Variants in KIAA0586 observed in about 807,000 individuals in gnomAD.
The protein encoded by KIAA0586 is protein TALPID3.
KIAA0586 carries 144 observed loss-of-function variants against 169.8 expected under a neutral mutation model. The observed-to-expected ratio is 0.85, with a 90% CI of 0.74 to 0.97. KIAA0586 has a LOEUF of 0.97. KIAA0586 is among the 50% of genes least tolerant of loss of function. The pLI is 0.00. For synonymous variants in KIAA0586, 625 were observed against 612.4 expected, an observed-to-expected ratio of 1.02 and a Z score of -0.30; for missense variants, 1,854 against 1,823.0, an observed-to-expected ratio of 1.02 and a Z score of -0.31.
chr14:58,546,376 T>TA (rs931002913), intron 30 of KIAA0586, among the ~76,000 whole-genome samples: 3 of 152,216 alleles, frequency 2.0e-5, no homozygotes, highest in African/African-American at 7.2e-5. Flanking sequence ...GAGACATCAT[T>TA]AAAATCTCCA....
rs959799927 is a variant in KIAA0586, at chr14:58,480,360, A to C, written c.2945-2153A>C. Among the ~76,000 whole-genome samples the C allele has an allele frequency of 2.6e-5, 4 of 152,112 alleles. No individual in the cohort carries two copies. In the East Asian group the frequency reaches 5.8e-4, roughly 22 times the overall value. On this transcript the variant is annotated intron_variant, in intron 20 of 30. Coordinates refer to ENST00000652326, the MANE Select transcript of KIAA0586 (RefSeq NM_001329943.3). Reference sequence around the variant, plus strand: ...TCTTCCTCTTTTAAAAAAAAAAAAAAAAAACTTCTTTAAGACCTTCATTTT... The same window carrying C: ...TCTTCCTCTTTTAAAAAAAAAAAAACAAAACTTCTTTAAGACCTTCATTTT...
At chr14:58,518,965 C>T (rs2044977425) in intron 29 of KIAA0586, among the ~76,000 whole-genome samples, 1 of 152,198 alleles carries the variant, frequency 6.6e-6, no homozygotes, top group Admixed American at 6.5e-5. Flanking sequence ...AACCCCGTCT[C>T]TACTAAAAAT....
chr14:58,485,068 C>T (rs926285787), intron 21 of KIAA0586, among the ~76,000 whole-genome samples: 88 of 144,340 alleles, frequency 6.1e-4, no homozygotes, highest in African/African-American at 2.0e-3. Context: ...GGATTACAGG[C>T]GCCCGCCACC....
intron 28 of KIAA0586, among the ~76,000 whole-genome samples, chr14:58,509,767 A>G (rs1364982322): frequency 6.6e-6 from 1 of 152,234 alleles, no homozygotes; most frequent in Non-Finnish European, 1.5e-5. Context: ...TTTTGTGACC[A>G]TGATTAGGCA....
In KIAA0586 at chr14:58,498,826, C is replaced by T. The variant is rs754353218; in HGVS notation, c.4034C>T (p.Pro1345Leu). 21 of 1,610,522 alleles carry T rather than the reference C, an allele frequency of 1.3e-5. No homozygotes were observed. The highest frequency in any genetic ancestry group is 6.8e-6 in the Non-Finnish European group (8 of 1,178,532). Residue 1345 changes from proline (P) to leucine (L), a missense_variant, in exon 27 of 31, where the codon CCC becomes CTC. Pro to Leu is a moderately conservative substitution (Grantham distance 98). Transcript: ENST00000652326. The stretch of plus-strand genomic sequence containing the variant: ...GGTGAACTTAGTGAAGGACAAAGAC[C>T]CCAGCTAACAGCGGCAGCAGAGAAC... ...SVGELSEGQR[P>L]QLTAAAENIL...
In KIAA0586 at chr14:58,492,221, T is replaced by C; in HGVS notation, c.3936T>C (p.Phe1312=). The C allele has an allele frequency of 6.4e-7, 1 of 1,551,264 alleles. No individual in the cohort carries two copies. The highest frequency in any genetic ancestry group is 1.2e-5 in the South Asian group (1 of 83,910). ...KKFHADAILS[F]AKQNQESAVS... ...TTCATGCAGATGCAATTCTTTCTTTTGCTAAACAAAACCAGGAGTCAGCAG... is the reference window on the plus strand; with the variant it reads ...TTCATGCAGATGCAATTCTTTCTTTCGCTAAACAAAACCAGGAGTCAGCAG... The change falls in exon 26 of 31, where the codon TTT becomes TTC. Residue 1312 remains phenylalanine (F), a synonymous_variant. Transcript: ENST00000652326.
At chr14:58,476,668 C>CTTT (rs10666323) in intron 19 of KIAA0586, among the ~76,000 whole-genome samples, 1,633 of 131,554 alleles carry the variant, frequency 0.012, 53 homozygotes, top group Admixed American at 0.016. Context: ...TTCAGAGGTA[C>CTTT]TTTTTTTTTT....
At chr14:58,510,894 A>G (rs1159975575) in intron 28 of KIAA0586, among the ~76,000 whole-genome samples, 4 of 152,128 alleles carry the variant, frequency 2.6e-5, no homozygotes, top group Admixed American at 6.5e-5. Context: ...TTTTATTTAT[A>G]TAAAATTTTA....
intron 26 of KIAA0586, among the ~76,000 whole-genome samples, chr14:58,494,972 C>T (rs560713938): frequency 5.4e-4 from 82 of 152,214 alleles, no homozygotes; most frequent in Middle Eastern, 6.8e-3. Flanking sequence ...CTCACAAAGC[C>T]CCTCCACACA....
At chr14:58,429,319 A>C in intron 1 of KIAA0586, 44 bp from the exon 2 acceptor site, 1 of 1,152,728 alleles carries the variant, frequency 8.7e-7, no homozygotes, top group Non-Finnish European at 1.3e-6. Flanking sequence ...AAAGCTAAGG[A>C]TCTGATTTTA....
At chr14:58,530,423 G>T (rs1015200510) in intron 29 of KIAA0586, among the ~76,000 whole-genome samples, 1 of 152,108 alleles carries the variant, frequency 6.6e-6, no homozygotes, top group Non-Finnish European at 1.5e-5. Context: ...GAGGCATCAC[G>T]CTACCTGACT....
intron 30 of KIAA0586, among the ~76,000 whole-genome samples, chr14:58,543,178 TA>T (rs1354009495): frequency 6.6e-6 from 1 of 151,444 alleles, no homozygotes; most frequent in East Asian, 1.9e-4. Context: ...TTGGTACTCA[TA>T]TTTTTTTTAT....
At chr14:58,458,626 T>G in intron 12 of KIAA0586, 81 bp downstream of exon 12, 1 of 678,946 alleles carries the variant, frequency 1.5e-6, no homozygotes, top group Non-Finnish European at 2.4e-6. Flanking sequence ...TTACATTTGT[T>G]TTCAAAATAT....
At chr14:58,469,469 G>A (rs986101321) in intron 16 of KIAA0586, among the ~76,000 whole-genome samples, 9 of 152,122 alleles carry the variant, frequency 5.9e-5, no homozygotes, top group Admixed American at 2.0e-4. Context: ...TGGAGGCTTC[G>A]GGAGACCTGG....
At chr14:58,490,123 G>GT in intron 24 of KIAA0586, 41 bp from the exon 25 acceptor site, 1 of 971,932 alleles carries the variant, frequency 1.0e-6, no homozygotes. Flanking sequence ...CTAAGTTTGT[G>GT]TTTCTTTTTT....
intron 28 of KIAA0586, among the ~76,000 whole-genome samples, chr14:58,512,043 A>G (rs2086628669): frequency 6.6e-6 from 1 of 152,184 alleles, no homozygotes; most frequent in South Asian, 2.1e-4. Context: ...CAAATGGAAG[A>G]TAACAATACC....
At chr14:58,512,316 G>A (rs573726628) in intron 28 of KIAA0586, among the ~76,000 whole-genome samples, 21 of 150,424 alleles carry the variant, frequency 1.4e-4, no homozygotes, top group African/African-American at 4.4e-4. Context: ...CTTTTTAAAG[G>A]TTTTTTTTTG....
chr14:58,428,041 TG>T lies in KIAA0586; in HGVS notation c.-222del. The T allele has an allele frequency of 5.6e-6, 8 of 1,431,556 alleles. No homozygotes were observed. The highest frequency in any genetic ancestry group is 1.4e-5 in the African/African-American group (1 of 69,726). The allele number at this position is 1,431,556 out of a possible 1,614,324, so 88.7% of individuals were successfully genotyped here. A position where few individuals can be genotyped will look rare whatever the true frequency, so the allele number is the denominator to read the frequency against. ...TCTTGTCATCCCCACTTTCACATTTTGGCGTGGTGTATTAATAGACTGAGTG... is the reference window on the plus strand; with the variant it reads ...TCTTGTCATCCCCACTTTCACATTTTGCGTGGTGTATTAATAGACTGAGTG... On this transcript the variant is annotated 5_prime_UTR_variant, in exon 1 of 31. The change abolishes the stop of an existing upstream ORF in the 5' untranslated region. Transcript: ENST00000652326.
intron 3 of KIAA0586, 140 bp downstream of exon 3, chr14:58,430,857 T>C: frequency 3.5e-6 from 2 of 572,182 alleles, no homozygotes; most frequent in Non-Finnish European, 6.1e-6. Flanking sequence ...TATCCAGAGC[T>C]TTGTCATCTC....
Sources: gnomAD v4.1 joint callset for allele counts (sites outside exome capture counted in the v4.1 genomes callset) on GRCh38, gnomAD v4.1.1 for gene constraint, MANE v1.5 for transcripts, NCBI Gene and HGNC (gene_info 2026-07-23, HGNC 2026-07-21) for gene names.